CALCRL: variants seen among roughly 807,000 people sequenced by gnomAD.
CALCRL encodes calcitonin receptor like receptor, also known as calcitonin gene-related peptide type 1 receptor.
In CALCRL, 27 loss-of-function variants were observed where a neutral mutation model predicts 60.4. The ratio of observed to expected loss-of-function variants is 0.45; its 90% CI spans 0.33 to 0.62. The LOEUF is 0.62. Among genes scored for constraint, CALCRL ranks in the 20% least tolerant of loss-of-function variants. The pLI is 0.03. For synonymous variants in CALCRL, 190 were observed against 182.6 expected, an observed-to-expected ratio of 1.04 and a Z score of -0.33; for missense variants, 424 against 540.7, an observed-to-expected ratio of 0.78 and a Z score of 2.14.
chr2:187,394,106 G>T (rs185480453), intron 1 of CALCRL, among the ~76,000 whole-genome samples: 4 of 152,194 alleles, frequency 2.6e-5, no homozygotes, highest in Non-Finnish European at 4.4e-5. Context: ...AAGAGATGCA[G>T]CACAAGGGGA....
intron 1 of CALCRL, among the ~76,000 whole-genome samples, chr2:187,398,486 G>A (rs1688751372): frequency 6.6e-6 from 1 of 151,524 alleles, no homozygotes; most frequent in African/African-American, 2.4e-5. Flanking sequence ...GGAGGTAGAG[G>A]AACTCTGTTG....
intron 1 of CALCRL, among the ~76,000 whole-genome samples, chr2:187,433,436 G>T (rs980773138): frequency 1.3e-5 from 2 of 152,000 alleles, no homozygotes; most frequent in South Asian, 2.1e-4. Flanking sequence ...ATGTATGTGT[G>T]AACATGTATT....
chr2:187,360,478 A>G, intron 10 of CALCRL, 120 bp downstream of exon 10: 1 of 827,140 alleles, frequency 1.2e-6, no homozygotes, highest in Non-Finnish European at 1.8e-6. Context: ...GCAAAAGTTA[A>G]TCACCTGATA....
At chr2:187,371,637 G>A (rs564131947) in intron 8 of CALCRL, among the ~76,000 whole-genome samples, 3 of 152,108 alleles carry the variant, frequency 2.0e-5, no homozygotes, top group East Asian at 3.9e-4. Flanking sequence ...GTGGGAGGCT[G>A]AGGCAGGAGA....
intron 1 of CALCRL, among the ~76,000 whole-genome samples, chr2:187,431,765 A>AC (rs1690418763): frequency 6.6e-6 from 1 of 150,704 alleles, no homozygotes; most frequent in African/African-American, 2.5e-5. Flanking sequence ...TAAGGAGAAA[A>AC]AAAAAGAAAC....
intron 1 of CALCRL, among the ~76,000 whole-genome samples, chr2:187,418,033 C>T (rs1367136207): frequency 6.6e-6 from 1 of 152,156 alleles, no homozygotes; most frequent in Non-Finnish European, 1.5e-5. Context: ...TATTTCCATG[C>T]AGTCAAGTTA....
chr2:187,446,677 T>C (rs1382979682), intron 1 of CALCRL, among the ~76,000 whole-genome samples: 1 of 151,876 alleles, frequency 6.6e-6, no homozygotes, highest in East Asian at 1.9e-4. Flanking sequence ...AGTCACATTC[T>C]AAAAACACTT....
At position 187,344,806 on chromosome 2, in the gene CALCRL, A is replaced by G. The variant is rs1383540769; in HGVS notation, c.*1378T>C. On this transcript the variant is annotated 3_prime_UTR_variant, in exon 15 of 15. Coordinates refer to ENST00000392370, the MANE Select transcript of CALCRL (RefSeq NM_005795.6). ...AAGCTATATATCTTCACATAGTAAA[A>G]GTCAGTAAAGTAATATTTTAATGGG... 1 of 151,760 alleles carries G rather than the reference A, an allele frequency of 6.6e-6. No homozygotes were observed. Among genetic ancestry groups the G allele is most frequent in the African/African-American group, 2.4e-5 (1 of 41,412 alleles). 9.4% of individuals were successfully genotyped at this position (151,760 alleles called of 1,614,324 possible).
At chr2:187,414,500 G>A (rs951639467) in intron 1 of CALCRL, among the ~76,000 whole-genome samples, 7 of 152,132 alleles carry the variant, frequency 4.6e-5, no homozygotes, top group Non-Finnish European at 1.0e-4. Flanking sequence ...AAGAGGAGTT[G>A]TAATTATTAG....
At chr2:187,419,909 AT>A (rs1366320761) in intron 1 of CALCRL, among the ~76,000 whole-genome samples, 8 of 152,220 alleles carry the variant, frequency 5.3e-5, no homozygotes, top group African/African-American at 9.6e-5. Context: ...GATATGATTA[AT>A]AACTGTTAGT....
rs1176890727 is a variant in CALCRL, at chr2:187,417,135, T to C, written c.-292-29379A>G. Among the ~76,000 whole-genome samples the C allele has an allele frequency of 2.0e-5, 3 of 152,074 alleles. 1 individual carries two copies. The highest frequency in any genetic ancestry group is 4.4e-5 in the Non-Finnish European group (3 of 67,950). On this transcript the variant is annotated intron_variant, in intron 1 of 14. Coordinates refer to ENST00000392370, the MANE Select transcript of CALCRL (RefSeq NM_005795.6). ...AATAAAGGCCATTTACTTTCTATAC[T>C]CAAGTGAATTTTAAAATGTATTCCC...
At chr2:187,403,112 ATGTT>A (rs559053401) in intron 1 of CALCRL, among the ~76,000 whole-genome samples, 123 of 151,860 alleles carry the variant, frequency 8.1e-4, no homozygotes, top group African/African-American at 2.9e-3. Context: ...TAAAAAATAA[ATGTT>A]TGTTGTTTTA....
At chr2:187,444,400 G>T (rs1691070224) in intron 1 of CALCRL, among the ~76,000 whole-genome samples, 1 of 151,272 alleles carries the variant, frequency 6.6e-6, no homozygotes, top group African/African-American at 2.4e-5. Flanking sequence ...TGGGATTTTT[G>T]TCTTTTTAAT....
chr2:187,403,148 T>A (rs570587136), intron 1 of CALCRL, among the ~76,000 whole-genome samples: 239 of 151,978 alleles, frequency 1.6e-3, no homozygotes, highest in African/African-American at 5.6e-3. Flanking sequence ...TATGGCAATT[T>A]GTTACAGAAG....
chr2:187,352,768 T>C (rs142160237), intron 12 of CALCRL, among the ~76,000 whole-genome samples: 63 of 152,008 alleles, frequency 4.1e-4, no homozygotes, highest in Non-Finnish European at 8.0e-4. Flanking sequence ...TCTAAATGTA[T>C]ATTATACCAT....
intron 1 of CALCRL, among the ~76,000 whole-genome samples, chr2:187,419,397 A>G (rs1226640449): frequency 6.6e-6 from 1 of 152,172 alleles, no homozygotes; most frequent in Non-Finnish European, 1.5e-5. Flanking sequence ...GACCCTCTGC[A>G]AACAGAGAAG....
intron 1 of CALCRL, among the ~76,000 whole-genome samples, chr2:187,409,813 T>A (rs1689280311): frequency 6.6e-6 from 1 of 152,178 alleles, no homozygotes; most frequent in African/African-American, 2.4e-5. Context: ...ATTTGAGTCC[T>A]CATCGACTAG....
At position 187,445,896 on chromosome 2, in the gene CALCRL, C is replaced by T. The variant is rs1691157011; in HGVS notation, c.-293+2143G>A. Among the ~76,000 whole-genome samples the T allele has an allele frequency of 2.6e-5, 4 of 151,552 alleles. 1 individual carries two copies. The South Asian group carries it at 8.3e-4, about 31-fold the overall frequency. The stretch of plus-strand genomic sequence containing the variant: ...TCATTTAAAATAATTTTTAAAATTA[C>T]AGACCCAGTATTATTTTAAACAATG... On this transcript the variant is annotated intron_variant, in intron 1 of 14. Transcript: ENST00000392370.
intron 1 of CALCRL, among the ~76,000 whole-genome samples, chr2:187,417,241 A>T (rs1010842983): frequency 6.6e-6 from 1 of 152,064 alleles, no homozygotes; most frequent in African/African-American, 2.4e-5. Context: ...AGCATAGTTA[A>T]CAACTACAAC....
Sources: allele counts gnomAD v4.1 joint callset (sites outside exome capture counted in the v4.1 genomes callset), GRCh38; gene constraint gnomAD v4.1.1; transcripts MANE v1.5; gene names NCBI Gene and HGNC (gene_info 2026-07-23, HGNC 2026-07-21).